AUTS2: variants seen among roughly 807,000 people sequenced by gnomAD.
The protein encoded by AUTS2 is autism susceptibility gene 2 protein.
In AUTS2, 17 loss-of-function variants were observed where a neutral mutation model predicts 112.4. The observed-to-expected ratio is 0.15, with a 90% CI of 0.10 to 0.23. AUTS2 has a LOEUF of 0.23. AUTS2 is among the 10% of genes least tolerant of loss of function. AUTS2 has a pLI of 1.00. For synonymous variants in AUTS2, 751 were observed against 702.7 expected (o/e 1.07, Z -1.09); for missense variants, 1,510 against 1,701.6 (o/e 0.89, Z 1.98).
At chr7:70,686,582 G>T (rs751657393) in intron 5 of AUTS2, among the ~76,000 whole-genome samples, 83 of 151,908 alleles carry the variant, frequency 5.5e-4, no homozygotes, top group Admixed American at 2.7e-3. Flanking sequence ...TATCCCCCTG[G>T]CTGGAGTGCA....
At chr7:69,649,120 C>T (rs1057399871) in intron 1 of AUTS2, among the ~76,000 whole-genome samples, 1 of 152,128 alleles carries the variant, frequency 6.6e-6, no homozygotes, top group East Asian at 1.9e-4. Context: ...TCTTCTTGTA[C>T]GTGTGTACAT....
chr7:70,425,800 A>G (rs972956641), intron 4 of AUTS2, among the ~76,000 whole-genome samples: 1 of 152,250 alleles, frequency 6.6e-6, no homozygotes, highest in Admixed American at 6.5e-5. Context: ...CACCTGGCTC[A>G]TGTATGCTTT....
intron 4 of AUTS2, among the ~76,000 whole-genome samples, chr7:70,314,798 G>A (rs147826232): frequency 0.014 from 2,192 of 152,136 alleles, 21 homozygotes; most frequent in Middle Eastern, 0.037. Flanking sequence ...CATTCCCAAG[G>A]TCAAAGCCAT....
intron 1 of AUTS2, among the ~76,000 whole-genome samples, chr7:69,722,357 A>G (rs1400711509): frequency 6.7e-6 from 1 of 149,560 alleles, no homozygotes; most frequent in Non-Finnish European, 1.5e-5. Context: ...GCCTTGGCAA[A>G]TGGAGGTATT....
intron 5 of AUTS2, among the ~76,000 whole-genome samples, chr7:70,565,535 C>T (rs1278173029): frequency 1.3e-5 from 2 of 152,064 alleles, no homozygotes; most frequent in Admixed American, 6.6e-5. Context: ...CAAAAATTAG[C>T]CCAGTGTGGC....
intron 6 of AUTS2, among the ~76,000 whole-genome samples, chr7:70,703,721 C>T (rs927940812): frequency 2.0e-5 from 3 of 152,038 alleles, no homozygotes; most frequent in African/African-American, 2.4e-5. Context: ...GCAAACTGCC[C>T]GTTTCAGTCT....
intron 1 of AUTS2, among the ~76,000 whole-genome samples, chr7:69,860,194 T>A (rs1275139283): frequency 6.6e-6 from 1 of 151,942 alleles, no homozygotes; most frequent in Non-Finnish European, 1.5e-5. Context: ...GATGATGACC[T>A]GAGTTACAGG....
intron 5 of AUTS2, among the ~76,000 whole-genome samples, chr7:70,577,272 G>A (rs1802209954): frequency 6.6e-6 from 1 of 152,184 alleles, no homozygotes; most frequent in African/African-American, 2.4e-5. Context: ...GCTGCTGGAA[G>A]CCTAGAGCCA....
intron 2 of AUTS2, among the ~76,000 whole-genome samples, chr7:70,050,355 CAAAAA>C (rs60714093): frequency 3.7e-4 from 27 of 72,872 alleles, no homozygotes; most frequent in South Asian, 1.4e-3. Context: ...GACTCTGTCT[CAAAAA>C]AAAAAAAAAA....
chr7:69,759,789 C>A (rs572858791), intron 1 of AUTS2, among the ~76,000 whole-genome samples: 5 of 73,646 alleles, frequency 6.8e-5, no homozygotes, highest in Non-Finnish European at 1.1e-4. Context: ...CCCCCCCCCC[C>A]ATATAAAGGA....
At chr7:70,198,441 GA>G (rs1352045840) in intron 4 of AUTS2, among the ~76,000 whole-genome samples, 1 of 150,964 alleles carries the variant, frequency 6.6e-6, no homozygotes, top group Non-Finnish European at 1.5e-5. Flanking sequence ...TGAAAACTTT[GA>G]AAAAAATTTA....
At chr7:69,792,563 CT>C (rs1037562376) in intron 1 of AUTS2, among the ~76,000 whole-genome samples, 1 of 152,100 alleles carries the variant, frequency 6.6e-6, no homozygotes, top group Non-Finnish European at 1.5e-5. Context: ...TGGTTACCAT[CT>C]TTAAACTTCA....
chr7:70,609,998 G>GTT (rs1464780794), intron 5 of AUTS2, among the ~76,000 whole-genome samples: 1 of 138,142 alleles, frequency 7.2e-6, no homozygotes, highest in African/African-American at 2.7e-5. Flanking sequence ...TGTTGTTGTT[G>GTT]TTGTTTTGAG....
chr7:69,691,495 G>C (rs991742362), intron 1 of AUTS2, among the ~76,000 whole-genome samples: 1 of 152,126 alleles, frequency 6.6e-6, no homozygotes, highest in South Asian at 2.1e-4. Flanking sequence ...CAGAGGGCTG[G>C]TGTGTCAACA....
intron 1 of AUTS2, among the ~76,000 whole-genome samples, chr7:69,806,355 G>A (rs1790306988): frequency 6.6e-6 from 1 of 151,928 alleles, no homozygotes; most frequent in Non-Finnish European, 1.5e-5. Flanking sequence ...TATGATAATA[G>A]CTTATTTGTG....
chr7:69,756,992 G>C (rs1787970503), intron 1 of AUTS2, among the ~76,000 whole-genome samples: 1 of 152,034 alleles, frequency 6.6e-6, no homozygotes, highest in Non-Finnish European at 1.5e-5. Context: ...GTTTTACTTT[G>C]CCACAGCACT....
chr7:70,048,489 A>G (rs541926816), intron 2 of AUTS2, among the ~76,000 whole-genome samples: 7 of 152,352 alleles, frequency 4.6e-5, no homozygotes, highest in African/African-American at 1.7e-4. Flanking sequence ...CATTCTGTAT[A>G]GACTGTGAAC....
In AUTS2 at chr7:69,969,763, A is replaced by G. The variant is rs180846001; in HGVS notation, c.522+70265A>G. Reference sequence around the variant, plus strand: ...TATCTTTAAAAGGACAAAAAAAGAAATTCCTCTCTTGATTGTCAACTACTG... The same window carrying G: ...TATCTTTAAAAGGACAAAAAAAGAAGTTCCTCTCTTGATTGTCAACTACTG... On this transcript the variant is annotated intron_variant, in intron 2 of 18. Transcript: ENST00000342771. Among the ~76,000 whole-genome samples, 57 of 152,318 alleles carry G rather than the reference A, an allele frequency of 3.7e-4. No homozygotes were observed. In the East Asian group the frequency reaches 0.011, roughly 29 times the overall value.
chr7:69,882,865 C>T lies in AUTS2; in HGVS notation c.310-16421C>T, dbSNP rs76728623. The stretch of plus-strand genomic sequence containing the variant: ...GATCCCACCATTGTTCCTCCAATGC[C>T]AAATGTAACCTTTTAGAATGACAGT... On this transcript the variant is annotated intron_variant, in intron 1 of 18. Transcript: ENST00000342771. 6.6e-5 allele frequency among the ~76,000 whole-genome samples: 10 copies of T among 152,280 alleles called. No individual in the cohort carries two copies. In the East Asian group the frequency reaches 1.9e-3, roughly 29 times the overall value.
Sources: gnomAD v4.1 joint callset for allele counts (sites outside exome capture counted in the v4.1 genomes callset) on GRCh38, gnomAD v4.1.1 for gene constraint, MANE v1.5 for transcripts, NCBI Gene and HGNC (gene_info 2026-07-23, HGNC 2026-07-21) for gene names.